The following DGKG variants were observed in gnomAD, a reference collection of about 807,000 sequenced individuals.
DGKG encodes the protein DAG kinase gamma.
In DGKG, 78 loss-of-function variants were observed where a neutral mutation model predicts 105.3. The observed-to-expected ratio is 0.74, with a 90% CI of 0.62 to 0.89. The LOEUF is 0.89. Among genes scored for constraint, DGKG ranks in the 40% least tolerant of loss-of-function variants. DGKG has a pLI of 0.00. For synonymous variants in DGKG, 346 were observed against 367.1 expected (o/e 0.94, Z 0.66); for missense variants, 958 against 1,020.1 (o/e 0.94, Z 0.83).
chr3:186,293,303 C>A (rs1297224124), intron 5 of DGKG, among the ~76,000 whole-genome samples: 3 of 152,196 alleles, frequency 2.0e-5, no homozygotes, highest in Non-Finnish European at 4.4e-5. Flanking sequence ...ACCCTTGACA[C>A]CACTGATCTT....
chr3:186,170,764 AGTCT>A (rs1211176926), intron 22 of DGKG, among the ~76,000 whole-genome samples: 1 of 152,204 alleles, frequency 6.6e-6, no homozygotes, highest in Non-Finnish European at 1.5e-5. Context: ...CCCAATGGTC[AGTCT>A]ATCTACCTTC....
intron 22 of DGKG, among the ~76,000 whole-genome samples, chr3:186,174,652 CTGTGTGTGTGTGTG>C (rs67342971): frequency 0.016 from 2,296 of 145,708 alleles, 31 homozygotes; most frequent in African/African-American, 0.023. Flanking sequence ...TTCCCTGCGG[CTGTGTGTGTGTGTG>C]TGTGTGTGTG....
rs763386562 is a variant in DGKG, at chr3:186,268,924, G to A, written c.1000-7C>T. 4.4e-6 allele frequency: 7 copies of A among 1,602,402 alleles called. No individual in the cohort carries two copies. The highest frequency in any genetic ancestry group is 6.0e-6 in the Non-Finnish European group (7 of 1,169,878). ...CCCATGCGTGCTGCATCACCTGCGG[G>A]AGGGAAGCGAACGATGCCAGGGAAA... On this transcript the variant is annotated splice_region_variant and splice_polypyrimidine_tract_variant and intron_variant, in intron 11 of 24. Coordinates refer to ENST00000265022, the MANE Select transcript of DGKG (RefSeq NM_001346.3).
At chr3:186,230,807 C>T (rs1487137704) in intron 20 of DGKG, among the ~76,000 whole-genome samples, 1 of 152,174 alleles carries the variant, frequency 6.6e-6, no homozygotes, top group Non-Finnish European at 1.5e-5. Context: ...AACTGTGCAG[C>T]TTGGTCAGTT....
At chr3:186,276,417 T>C (rs573885343) in intron 9 of DGKG, among the ~76,000 whole-genome samples, 1 of 152,376 alleles carries the variant, frequency 6.6e-6, no homozygotes, top group Admixed American at 6.5e-5. Context: ...GGCAGCAATA[T>C]GGATTTATTG....
At chr3:186,297,787 TC>T (rs1723659273) in intron 4 of DGKG, among the ~76,000 whole-genome samples, 1 of 152,138 alleles carries the variant, frequency 6.6e-6, no homozygotes, top group Non-Finnish European at 1.5e-5. Flanking sequence ...AAGGCTCTCT[TC>T]CCCCACCATA....
intron 21 of DGKG, among the ~76,000 whole-genome samples, chr3:186,191,013 G>T (rs977509086): frequency 1.3e-5 from 2 of 152,050 alleles, no homozygotes; most frequent in African/African-American, 4.8e-5. Context: ...AGGCACATAA[G>T]GGAAGATGCC....
At chr3:186,181,054 C>T (rs775974717) in intron 22 of DGKG, among the ~76,000 whole-genome samples, 48 of 152,194 alleles carry the variant, frequency 3.2e-4, no homozygotes, top group East Asian at 1.9e-4. Context: ...AGTGAGGCCA[C>T]GGGCATGCCT....
intron 1 of DGKG, among the ~76,000 whole-genome samples, chr3:186,332,289 C>T (rs1042477225): frequency 4.6e-5 from 7 of 152,154 alleles, no homozygotes; most frequent in South Asian, 2.1e-4. Flanking sequence ...CATGGGACTT[C>T]GAAAGAAAAC....
chr3:186,321,920 C>G (rs1490336692), intron 1 of DGKG, among the ~76,000 whole-genome samples: 2 of 152,184 alleles, frequency 1.3e-5, no homozygotes, highest in African/African-American at 2.4e-5. Flanking sequence ...TCTCCTTAAT[C>G]CAGCCAGCTC....
intron 20 of DGKG, among the ~76,000 whole-genome samples, chr3:186,235,348 G>A (rs1720365721): frequency 6.6e-6 from 1 of 152,190 alleles, no homozygotes; most frequent in South Asian, 2.1e-4. Context: ...AGGGAAGCAG[G>A]TGCAGACAGT....
At chr3:186,297,574 G>A (rs1723646011) in intron 4 of DGKG, 91 bp from the exon 5 acceptor site, 1 of 900,070 alleles carries the variant, frequency 1.1e-6, no homozygotes, top group South Asian at 1.4e-5. Context: ...GACCTGGTTT[G>A]CCTTGATTGT....
chr3:186,150,017 CATAAATTGTGTGTGAGTGTGCAT>C lies in DGKG; in HGVS notation c.*50_*72del. 1.3e-6 allele frequency: 2 copies of C among 1,542,628 alleles called. No homozygotes were observed. Among genetic ancestry groups the C allele is most frequent in the Non-Finnish European group, 1.7e-6 (2 of 1,143,532 alleles). The stretch of plus-strand genomic sequence containing the variant: ...GTGTGTGTGCATGTGTGAGTGTGCA[CATAAATTGTGTGTGAGTGTGCAT>C]TATAGTTTCTTGCTTTCTCTCTTGG... On this transcript the variant is annotated 3_prime_UTR_variant, in exon 25 of 25. Transcript: ENST00000265022.
intron 21 of DGKG, among the ~76,000 whole-genome samples, chr3:186,198,470 T>A (rs114288770): frequency 6.6e-6 from 1 of 152,204 alleles, no homozygotes; most frequent in African/African-American, 2.4e-5. Context: ...TGCTAGACTC[T>A]AGGGATGGAG....
intron 22 of DGKG, among the ~76,000 whole-genome samples, chr3:186,186,398 C>T (rs1717640725): frequency 1.3e-5 from 2 of 152,284 alleles, no homozygotes; most frequent in East Asian, 3.9e-4. Context: ...TTGCCTGTAG[C>T]AATGGTGTTC....
At chr3:186,295,846 T>C (rs6768234) in intron 5 of DGKG, among the ~76,000 whole-genome samples, 129,165 of 151,922 alleles carry the variant, frequency 0.85, 55,190 homozygotes, top group Middle Eastern at 0.9. Context: ...GTGCTGGGTG[T>C]GGTGGCTCAT....
Position 186,288,767 on chromosome 3 carries a change from C to A in DGKG, c.487G>T (p.Asp163Tyr). 2 of 1,614,182 alleles carry A rather than the reference C, an allele frequency of 1.2e-6. No individual in the cohort carries two copies. Among genetic ancestry groups the A allele is most frequent in the Non-Finnish European group, 1.7e-6 (2 of 1,180,026 alleles). The change falls in exon 6 of 25, where the codon GAT (aspartate) becomes TAT (tyrosine). Residue 163 changes from aspartate (D) to tyrosine (Y), a missense_variant. Coordinates refer to ENST00000265022, the MANE Select transcript of DGKG (RefSeq NM_001346.3). Reference protein sequence around the residue: ...SSESPVVYLKDVVCYLSLLET... With the variant: ...SSESPVVYLKYVVCYLSLLET... ...AGCAGGGACAGGTAGCACACAACAT[C>A]CTTCAGGTATACCACTGGGGATTCC...
rs911763163 is a variant in DGKG at position 186,338,777 on chromosome 3, T to C, written c.-248-18070A>G. The stretch of plus-strand genomic sequence containing the variant: ...ATTTTTTTCTGGCACAACTCAATCT[T>C]TTCAAAGTTTACGTACATTGGTTAG... On this transcript the variant is annotated intron_variant, in intron 1 of 24. Transcript: ENST00000265022. Among the ~76,000 whole-genome samples the C allele has an allele frequency of 3.9e-5, 6 of 152,190 alleles. No homozygotes were observed. In the East Asian group the frequency reaches 1.2e-3, roughly 29 times the overall value.
chr3:186,282,769 G>GCTT (rs1374588672), intron 7 of DGKG, among the ~76,000 whole-genome samples: 8 of 152,108 alleles, frequency 5.3e-5, no homozygotes, highest in Admixed American at 5.2e-4. Flanking sequence ...GCCCACCTCA[G>GCTT]CTTCCCAAAG....
Sources: allele counts gnomAD v4.1 joint callset (sites outside exome capture counted in the v4.1 genomes callset), GRCh38; gene constraint gnomAD v4.1.1; transcripts MANE v1.5; gene names NCBI Gene and HGNC (gene_info 2026-07-23, HGNC 2026-07-21).